Variants in LARP4 observed in about 807,000 individuals in gnomAD.
The protein encoded by LARP4 is la-related protein 4.
In LARP4, 29 loss-of-function variants were observed where a neutral mutation model predicts 92.9. The ratio of observed to expected loss-of-function variants is 0.31; its 90% CI spans 0.23 to 0.43. LARP4 has a LOEUF of 0.43. Among genes scored for constraint, LARP4 ranks in the 20% least tolerant of loss-of-function variants. The pLI, the probability that LARP4 is intolerant of heterozygous loss-of-function variation, is 1.00. For missense variants in LARP4, 732 were observed against 860.0 expected, an observed-to-expected ratio of 0.85 and a Z score of 1.86; for synonymous variants, 279 against 284.1, an observed-to-expected ratio of 0.98 and a Z score of 0.18.
chr12:50,450,347 T>C (rs913541296), intron 8 of LARP4, among the ~76,000 whole-genome samples: 1 of 152,192 alleles, frequency 6.6e-6, no homozygotes, highest in African/African-American at 2.4e-5. Flanking sequence ...CTTAGGCTAC[T>C]TTATGGGGAA....
At chr12:50,425,166 A>C (rs375221251) in intron 1 of LARP4, among the ~76,000 whole-genome samples, 3 of 152,142 alleles carry the variant, frequency 2.0e-5, no homozygotes, top group South Asian at 2.1e-4. Flanking sequence ...GAAAAAAAAA[A>C]CTACCTTGAA....
intron 11 of LARP4, among the ~76,000 whole-genome samples, chr12:50,462,353 G>T (rs766533111): frequency 4.6e-5 from 7 of 151,968 alleles, no homozygotes; most frequent in Non-Finnish European, 8.8e-5. Context: ...GGCAACACGT[G>T]CCTGTAATTC....
chr12:50,410,664 A>T (rs1264528031), intron 1 of LARP4, among the ~76,000 whole-genome samples: 1 of 152,126 alleles, frequency 6.6e-6, no homozygotes, highest in Non-Finnish European at 1.5e-5. Context: ...TCAGCCTCCC[A>T]AAGTGCTGGG....
intron 12 of LARP4, among the ~76,000 whole-genome samples, chr12:50,465,371 CAAAAAAA>C (rs368980753): frequency 2.7e-5 from 3 of 112,370 alleles, no homozygotes; most frequent in East Asian, 2.3e-4. Context: ...GACTCTGTCT[CAAAAAAA>C]AAAAAAAAAA....
rs753170552 is a variant in LARP4, at chr12:50,474,024, A to G, written c.1693A>G (p.Ile565Val). Residue 565 changes from isoleucine to valine, a missense_variant, in exon 15 of 16, where the codon ATA becomes GTA. Transcript: ENST00000398473. ...LSTTQQEKDL[I>V]EDSSVQKDGL... ...CACAACTCAGCAAGAAAAGGATCTA[A>G]TAGAAGATTCCTCTGTTCAGAAGGA... is the stretch of plus-strand genomic sequence containing the variant. 1 of 1,612,096 alleles carries G rather than the reference A, an allele frequency of 6.2e-7. No individual in the cohort carries two copies. Among genetic ancestry groups the G allele is most frequent in the Non-Finnish European group, 8.5e-7 (1 of 1,179,940 alleles).
rs1362941959 is a variant in LARP4 at position 50,477,173 on chromosome 12, A to T, written c.*1309A>T. The T allele has an allele frequency of 6.6e-6, 1 of 152,518 alleles. No individual in the cohort carries two copies. Among genetic ancestry groups the T allele is most frequent in the African/African-American group, 2.4e-5 (1 of 41,448 alleles). The allele number at this position is 152,518 out of a possible 1,614,324, so 9.4% of individuals were successfully genotyped here. ...CAAGTCATGAGATTTTTTAGTAAAG[A>T]TGAGAAAGATGGTTGAAGAAAATTA... On this transcript the variant is annotated 3_prime_UTR_variant, in exon 16 of 16. Transcript: ENST00000398473.
intron 12 of LARP4, among the ~76,000 whole-genome samples, chr12:50,464,584 A>C (rs1593392979): frequency 6.6e-6 from 1 of 151,816 alleles, no homozygotes; most frequent in Non-Finnish European, 1.5e-5. Flanking sequence ...GTAGAGACGG[A>C]GTTTCACCAT....
chr12:50,429,909 G>A, intron 3 of LARP4, among the ~76,000 whole-genome samples: 1 of 152,090 alleles, frequency 6.6e-6, no homozygotes, highest in East Asian at 1.9e-4. Flanking sequence ...CAAAGTGCTG[G>A]GATTACAGGC....
In LARP4 at chr12:50,479,215, CA is replaced by C. The variant is rs938545499; in HGVS notation, c.*3353del. 2.4e-4 allele frequency: 36 copies of C among 152,664 alleles called. No individual in the cohort carries two copies. Among genetic ancestry groups the C allele is most frequent in the African/African-American group, 7.7e-4 (32 of 41,562 alleles). 9.5% of individuals were successfully genotyped at this position (152,664 alleles called of 1,614,324 possible). A position where few individuals can be genotyped will look rare whatever the true frequency, so the allele number is the denominator to read the frequency against. ...CTGGTTTTACTTTGACACAGTTGAA[CA>C]ACACTGGGGTTAAGTCTCTGGTATT... On this transcript the variant is annotated 3_prime_UTR_variant, in exon 16 of 16. Transcript: ENST00000398473.
Position 50,413,106 on chromosome 12 carries a change from C to T in LARP4, c.18+12078C>T, listed in dbSNP as rs534354878. On this transcript the variant is annotated intron_variant, in intron 1 of 15. Transcript: ENST00000398473. ...GACGTGGTGGTGGGCGCCTGTGATC[C>T]CAGCTACTCAGGAGGCTGAGGCAGG... Among the ~76,000 whole-genome samples the T allele has an allele frequency of 3.6e-4, 55 of 151,960 alleles. No individual in the cohort carries two copies. The East Asian group carries it at 0.01, about 28-fold the overall frequency.
intron 3 of LARP4, 85 bp downstream of exon 3, chr12:50,429,175 A>C (rs1331277192): frequency 1.1e-6 from 1 of 887,524 alleles, no homozygotes; most frequent in Non-Finnish European, 1.7e-6. Flanking sequence ...GTTCTGATAA[A>C]CCTATGGCAT....
intron 10 of LARP4, among the ~76,000 whole-genome samples, chr12:50,459,429 T>A (rs538397989): frequency 5.3e-5 from 8 of 152,338 alleles, no homozygotes; most frequent in African/African-American, 1.9e-4. Context: ...ATTGTATGTC[T>A]GTATGTATGT....
chr12:50,417,513 A>G (rs2136634209), intron 1 of LARP4, among the ~76,000 whole-genome samples: 1 of 152,212 alleles, frequency 6.6e-6, no homozygotes, highest in South Asian at 2.1e-4. Flanking sequence ...TTGTGAATTA[A>G]CATCTCTAAT....
chr12:50,421,248 C>T lies in LARP4; in HGVS notation c.19-6514C>T, dbSNP rs143137276. Reference sequence around the variant, plus strand: ...ACAGGCGTGAGCCACCGTACCCAGCCGGCTTTTAACGTACTGTAATATGCT... The same window carrying T: ...ACAGGCGTGAGCCACCGTACCCAGCTGGCTTTTAACGTACTGTAATATGCT... On this transcript the variant is annotated intron_variant, in intron 1 of 15. Transcript: ENST00000398473. 9.6e-4 allele frequency: 941 copies of T among 984,344 alleles called. 10 individuals carry two copies. In the African/African-American group the frequency reaches 0.015, roughly 15 times the overall value. 61.0% of individuals were successfully genotyped at this position (984,344 alleles called of 1,614,324 possible).
At chr12:50,412,832 T>C (rs1254529350) in intron 1 of LARP4, among the ~76,000 whole-genome samples, 1 of 152,180 alleles carries the variant, frequency 6.6e-6, no homozygotes, top group South Asian at 2.1e-4. Flanking sequence ...TTACATCGTT[T>C]AGTAGATATT....
At chr12:50,442,128 T>C (rs1381939288) in intron 8 of LARP4, among the ~76,000 whole-genome samples, 4 of 152,212 alleles carry the variant, frequency 2.6e-5, no homozygotes, top group African/African-American at 9.6e-5. Flanking sequence ...AAAAATACTT[T>C]GTGTACAGCA....
At chr12:50,452,779 C>T (rs1016533043) in intron 8 of LARP4, among the ~76,000 whole-genome samples, 3 of 151,744 alleles carry the variant, frequency 2.0e-5, no homozygotes, top group South Asian at 2.1e-4. Context: ...GTTCTGTGAA[C>T]GCTGTTCATA....
chr12:50,446,358 T>TCCCCCCC (rs1952081628), intron 8 of LARP4, among the ~76,000 whole-genome samples: 2 of 480 alleles, frequency 4.2e-3, no homozygotes, highest in African/African-American at 0.021. Context: ...TCTCTCTCTC[T>TCCCCCCC]CTCTCTCTCT....
intron 6 of LARP4, 74 bp from the exon 7 acceptor site, chr12:50,440,365 A>G (rs537038075): frequency 1.1e-4 from 111 of 1,024,920 alleles, no homozygotes; most frequent in Non-Finnish European, 1.6e-4. Context: ...TAACATTACT[A>G]GTAAACAAAC....
Sources: gnomAD v4.1 joint callset for allele counts (sites outside exome capture counted in the v4.1 genomes callset) on GRCh38, gnomAD v4.1.1 for gene constraint, MANE v1.5 for transcripts, NCBI Gene and HGNC (gene_info 2026-07-23, HGNC 2026-07-21) for gene names.